INSC: variants seen among roughly 807,000 people sequenced by gnomAD.
INSC encodes the protein protein inscuteable homolog.
Under a neutral mutation model 58.6 loss-of-function variants are expected in INSC, and 67 were observed. That is an observed-to-expected ratio of 1.14 (90% CI 0.94 to 1.40). The LOEUF is 1.40. Among genes scored for constraint, INSC ranks in the 40% most tolerant of loss-of-function variants. The pLI is 0.00. For synonymous variants in INSC, 262 were observed against 276.1 expected (o/e 0.95, Z 0.51); for missense variants, 714 against 692.0 (o/e 1.03, Z -0.36).
chr11:15,141,804 C>G (rs904658027), intron 1 of INSC, among the ~76,000 whole-genome samples: 1 of 152,122 alleles, frequency 6.6e-6, no homozygotes, highest in Non-Finnish European at 1.5e-5. Context: ...CTTCTTTCCA[C>G]TCCTGGGTTC....
chr11:15,195,178 T>C (rs1850323663), intron 6 of INSC, among the ~76,000 whole-genome samples: 1 of 152,136 alleles, frequency 6.6e-6, no homozygotes, highest in Non-Finnish European at 1.5e-5. Context: ...TGACTGGAGA[T>C]TTTTGTCTTG....
chr11:15,155,375 T>C (rs1848780661), intron 2 of INSC, among the ~76,000 whole-genome samples: 3 of 152,250 alleles, frequency 2.0e-5, no homozygotes, highest in Admixed American at 6.5e-5. Flanking sequence ...CTCTGTGCTC[T>C]GCTAACCCTC....
At chr11:15,245,789 C>T in intron 12 of INSC, 123 bp from the exon 13 acceptor site, 5 of 1,320,574 alleles carry the variant, frequency 3.8e-6, no homozygotes, top group Non-Finnish European at 5.2e-6. Context: ...ACATGATGAT[C>T]AACCCAAATT....
rs76720788 is a variant in INSC, at chr11:15,194,069, T to C, written c.693+3255T>C. On this transcript the variant is annotated intron_variant, in intron 6 of 12. Coordinates refer to ENST00000379556, the MANE Select transcript of INSC (RefSeq NM_001042536.3). Reference sequence around the variant, plus strand: ...AAGACTAAATCAAAAAGGATGGTGGTTTTCATTAATTATAATGGGAGTTGT... The same window carrying C: ...AAGACTAAATCAAAAAGGATGGTGGCTTTCATTAATTATAATGGGAGTTGT... Among the ~76,000 whole-genome samples the C allele has an allele frequency of 5.9e-4, 90 of 152,298 alleles. 3 individuals are homozygous for C. In the East Asian group the frequency reaches 0.012, roughly 21 times the overall value.
At chr11:15,232,167 A>G (rs1270769765) in intron 9 of INSC, among the ~76,000 whole-genome samples, 1 of 152,144 alleles carries the variant, frequency 6.6e-6, no homozygotes, top group African/African-American at 2.4e-5. Flanking sequence ...TGTTCTTCTG[A>G]TGGGAAGGGT....
At chr11:15,190,520 A>G (rs905203137) in intron 5 of INSC, among the ~76,000 whole-genome samples, 181 bp from the exon 6 acceptor site, 1 of 152,144 alleles carries the variant, frequency 6.6e-6, no homozygotes, top group Non-Finnish European at 1.5e-5. Context: ...CTTAGACCTC[A>G]CCCTGACTGA....
chr11:15,218,817 A>G (rs893771840), intron 7 of INSC, among the ~76,000 whole-genome samples: 10 of 152,176 alleles, frequency 6.6e-5, no homozygotes, highest in African/African-American at 2.4e-4. Flanking sequence ...CTCCAATGCT[A>G]TCTTTTCCTA....
At chr11:15,240,385 C>T (rs1852298871) in intron 11 of INSC, 62 bp from the exon 12 acceptor site, 1 of 1,445,336 alleles carries the variant, frequency 6.9e-7, no homozygotes. Flanking sequence ...GGCCCAGAAC[C>T]TCTGGGTCAG....
chr11:15,199,001 C>T (rs944942176), intron 6 of INSC, among the ~76,000 whole-genome samples: 2 of 152,152 alleles, frequency 1.3e-5, no homozygotes, highest in Non-Finnish European at 2.9e-5. Context: ...CCCCACCCTC[C>T]GAGCATGTTA....
intron 9 of INSC, among the ~76,000 whole-genome samples, chr11:15,230,005 A>G (rs1437652940): frequency 3.9e-5 from 1 of 25,934 alleles, no homozygotes; most frequent in African/African-American, 1.7e-4. Context: ...ATATATATAT[A>G]TATATATAAT....
intron 1 of INSC, among the ~76,000 whole-genome samples, chr11:15,116,805 TTTTCTTTC>T (rs1283336885): frequency 3.0e-4 from 6 of 19,980 alleles, no homozygotes; most frequent in Non-Finnish European, 7.7e-4. Flanking sequence ...CTTTTCTTTC[TTTTCTTTC>T]TTTCTTTCTT....
At chr11:15,155,146 AT>A (rs1848771771) in intron 2 of INSC, among the ~76,000 whole-genome samples, 1 of 152,134 alleles carries the variant, frequency 6.6e-6, no homozygotes, top group Non-Finnish European at 1.5e-5. Flanking sequence ...TGAGCCAGTC[AT>A]TTTCAACTTT....
chr11:15,250,150 T>C (rs1852635009), downstream of INSC, among the ~76,000 whole-genome samples: 1 of 152,184 alleles, frequency 6.6e-6, no homozygotes, highest in Admixed American at 6.5e-5. Flanking sequence ...TTCTTTAGGA[T>C]AGCTAGGCAG....
intron 12 of INSC, among the ~76,000 whole-genome samples, chr11:15,244,108 C>A (rs1852469138): frequency 6.6e-6 from 1 of 151,980 alleles, no homozygotes; most frequent in Non-Finnish European, 1.5e-5. Flanking sequence ...TTATTTTTAT[C>A]CCTAATGATG....
upstream of INSC, among the ~76,000 whole-genome samples, chr11:15,111,994 A>T (rs1220238391): frequency 6.6e-6 from 1 of 152,228 alleles, no homozygotes; most frequent in African/African-American, 2.4e-5. Flanking sequence ...AATGTTAATG[A>T]TTAGAATGTA....
In INSC at chr11:15,149,197, G is replaced by A. The variant is rs138418543; in HGVS notation, c.23G>A (p.Arg8His). 2.4e-3 allele frequency: 3,797 copies of A among 1,609,382 alleles called. 58 individuals carry two copies. The highest frequency in any genetic ancestry group is 0.022 in the South Asian group (2,018 of 90,478). MMALPGG[R>H]HLDSVTLPGQ... ...AACATGATGGCACTGCCTGGAGGTCGCCACCTGGACTCCGTCACCCTGCCG... is the reference window on the plus strand; with the variant it reads ...AACATGATGGCACTGCCTGGAGGTCACCACCTGGACTCCGTCACCCTGCCG... Residue 8 changes from arginine (R) to histidine (H), a missense_variant, in exon 2 of 13, where the codon CGC becomes CAC. Arg to His is a conservative substitution (Grantham distance 29, BLOSUM62 0). Coordinates refer to ENST00000379556, the MANE Select transcript of INSC (RefSeq NM_001042536.3).
chr11:15,214,986 T>G (rs145078509), intron 7 of INSC, among the ~76,000 whole-genome samples: 129 of 152,290 alleles, frequency 8.5e-4, no homozygotes, highest in African/African-American at 3.0e-3. Flanking sequence ...TCTTTATAAA[T>G]CACCCAGTCT....
intron 6 of INSC, among the ~76,000 whole-genome samples, 164 bp downstream of exon 6, chr11:15,190,978 A>ATTT (rs5789865): frequency 0.011 from 1,381 of 128,642 alleles, 42 homozygotes; most frequent in African/African-American, 0.04. Context: ...TGGTGTGTGC[A>ATTT]TTTTTTTTTT....
At chr11:15,217,048 G>T (rs1454826307) in intron 7 of INSC, among the ~76,000 whole-genome samples, 1 of 152,218 alleles carries the variant, frequency 6.6e-6, no homozygotes, top group Non-Finnish European at 1.5e-5. Flanking sequence ...CTCAAAGTAG[G>T]TGTATTAGTC....
Sources: gnomAD v4.1 joint callset for allele counts (sites outside exome capture counted in the v4.1 genomes callset) on GRCh38, gnomAD v4.1.1 for gene constraint, MANE v1.5 for transcripts, NCBI Gene and HGNC (gene_info 2026-07-23, HGNC 2026-07-21) for gene names.